WDR76: variants seen among roughly 807,000 people sequenced by gnomAD.
The protein encoded by WDR76 is WD repeat-containing protein 76.
WDR76 carries 52 observed loss-of-function variants against 70.2 expected under a neutral mutation model. The ratio of observed to expected loss-of-function variants is 0.74; its 90% CI spans 0.59 to 0.93. WDR76 has a LOEUF of 0.93. Ranked by LOEUF, WDR76 falls within the 40% of genes least tolerant of loss-of-function variation. The pLI, the probability that WDR76 is intolerant of heterozygous loss-of-function variation, is 0.00. For synonymous variants in WDR76, 292 were observed against 271.1 expected, an observed-to-expected ratio of 1.08 and a Z score of -0.76; for missense variants, 756 against 760.2, an observed-to-expected ratio of 0.99 and a Z score of 0.07.
chr15:43,863,559 T>TTA (rs1398972902), intron 12 of WDR76, among the ~76,000 whole-genome samples: 23 of 139,064 alleles, frequency 1.7e-4, no homozygotes, highest in African/African-American at 5.3e-4. Flanking sequence ...CTCTCTTTTT[T>TTA]AAAAAAAAAA....
chr15:43,832,670 T>A (rs553327307), intron 2 of WDR76, among the ~76,000 whole-genome samples: 2 of 150,638 alleles, frequency 1.3e-5, no homozygotes, highest in Non-Finnish European at 3.0e-5. Context: ...GGTCTCGAAC[T>A]CCTGATCTCA....
At chr15:43,850,634 C>T (rs1387539110) in intron 8 of WDR76, among the ~76,000 whole-genome samples, 1 of 152,104 alleles carries the variant, frequency 6.6e-6, no homozygotes, top group East Asian at 1.9e-4. Context: ...ATGTTTAAAA[C>T]CATTATCTTT....
intron 10 of WDR76, 66 bp from the exon 11 acceptor site, chr15:43,858,605 T>C: frequency 6.4e-7 from 1 of 1,566,324 alleles, no homozygotes; most frequent in Non-Finnish European, 8.7e-7. Context: ...AACTTATGTT[T>C]AGCCCTGTTG....
intron 11 of WDR76, among the ~76,000 whole-genome samples, chr15:43,860,897 G>T (rs775090078): frequency 2.1e-5 from 3 of 142,676 alleles, no homozygotes; most frequent in Non-Finnish European, 3.0e-5. Context: ...ATTTGTTAGC[G>T]CCTGATCTTA....
intron 5 of WDR76, among the ~76,000 whole-genome samples, chr15:43,841,566 C>G (rs1279874976): frequency 6.6e-6 from 1 of 152,142 alleles, no homozygotes; most frequent in Non-Finnish European, 1.5e-5. Flanking sequence ...TCTGGAACTT[C>G]TGGCCTCAAG....
intron 11 of WDR76, 46 bp downstream of exon 11, chr15:43,858,869 A>C (rs762855768): frequency 2.5e-6 from 4 of 1,588,132 alleles, no homozygotes; most frequent in Non-Finnish European, 1.7e-6. Context: ...TAAAGAGTCT[A>C]TAGCTACTGT....
intron 1 of WDR76, among the ~76,000 whole-genome samples, chr15:43,827,607 T>C (rs1005617067): frequency 1.3e-5 from 2 of 151,930 alleles, no homozygotes; most frequent in Admixed American, 6.6e-5. Flanking sequence ...GGCAGTGGTG[T>C]GATCTCGGCT....
chr15:43,857,820 CAAAA>C (rs972013972), intron 10 of WDR76, among the ~76,000 whole-genome samples: 47 of 57,936 alleles, frequency 8.1e-4, no homozygotes, highest in Non-Finnish European at 1.3e-3. Context: ...CTCTTGTCTC[CAAAA>C]AAAAAAAAAA....
chr15:43,840,194 G>A (rs918750435), intron 5 of WDR76, among the ~76,000 whole-genome samples: 2 of 152,010 alleles, frequency 1.3e-5, no homozygotes, highest in Admixed American at 1.3e-4. Context: ...TTTCGAAGTC[G>A]TAAAGACTGT....
chr15:43,828,305 T>A lies in WDR76; in HGVS notation c.401T>A (p.Leu134His). ...QPKRTADAMN[L>H]SVDVESSQDG... Reference sequence around the variant, plus strand: ...AAGAGAACGGCAGATGCGATGAATCTCAGTGTTGATGTGGAAAGTAGTCAG... The same window carrying A: ...AAGAGAACGGCAGATGCGATGAATCACAGTGTTGATGTGGAAAGTAGTCAG... Residue 134 changes from leucine (L) to histidine (H), a missense_variant, in exon 2 of 13, where the codon CTC becomes CAC. By Grantham distance (99) the Leu-to-His change is moderately conservative (BLOSUM62 -3). Coordinates refer to ENST00000263795, the MANE Select transcript of WDR76 (RefSeq NM_024908.4). 1 of 1,614,130 alleles carries A rather than the reference T, an allele frequency of 6.2e-7. No homozygotes were observed. The highest frequency in any genetic ancestry group is 8.5e-7 in the Non-Finnish European group (1 of 1,180,046).
intron 5 of WDR76, among the ~76,000 whole-genome samples, chr15:43,841,452 C>T (rs1227813482): frequency 3.3e-5 from 5 of 152,058 alleles, no homozygotes; most frequent in African/African-American, 1.2e-4. Context: ...CCTCGGCCTC[C>T]CAAAATGCTA....
intron 8 of WDR76, 96 bp downstream of exon 8, chr15:43,844,150 G>A (rs1308929695): frequency 4.2e-6 from 5 of 1,178,578 alleles, no homozygotes; most frequent in Non-Finnish European, 5.6e-6. Flanking sequence ...AATGTTGCGT[G>A]AGACTTACAA....
chr15:43,833,379 C>T (rs2087615190), intron 2 of WDR76, among the ~76,000 whole-genome samples: 1 of 146,162 alleles, frequency 6.8e-6, no homozygotes, highest in Non-Finnish European at 1.5e-5. Context: ...AGTGCAGTGG[C>T]GCCATCTCGG....
chr15:43,845,708 A>G (rs1311495937), intron 8 of WDR76, among the ~76,000 whole-genome samples: 2 of 150,640 alleles, frequency 1.3e-5, no homozygotes, highest in Non-Finnish European at 3.0e-5. Context: ...AGTCAGAAAT[A>G]GATACTGAAT....
chr15:43,839,294 T>G (rs1200911545), intron 4 of WDR76, among the ~76,000 whole-genome samples: 1 of 152,186 alleles, frequency 6.6e-6, no homozygotes, highest in Non-Finnish European at 1.5e-5. Flanking sequence ...TGTACTGGAC[T>G]TTGTTTTTGC....
At chr15:43,866,077 T>G (rs765646251) in intron 12 of WDR76, 51 bp from the exon 13 acceptor site, 1 of 1,597,776 alleles carries the variant, frequency 6.3e-7, no homozygotes, top group Non-Finnish European at 8.6e-7. Flanking sequence ...TGCCCAATGC[T>G]ACCTTATTTA....
At chr15:43,850,858 G>A (rs920203645) in intron 8 of WDR76, among the ~76,000 whole-genome samples, 1 of 152,114 alleles carries the variant, frequency 6.6e-6, no homozygotes, top group Non-Finnish European at 1.5e-5. Context: ...CAGAAAGCTG[G>A]TCACTGTTAA....
intron 5 of WDR76, 70 bp from the exon 6 acceptor site, chr15:43,842,345 C>T: frequency 5.8e-6 from 8 of 1,373,324 alleles, no homozygotes; most frequent in South Asian, 1.3e-5. Context: ...CAGACAAATA[C>T]CCTTGCCCTC....
At chr15:43,844,954 G>T (rs1322654350) in intron 8 of WDR76, among the ~76,000 whole-genome samples, 1 of 65,118 alleles carries the variant, frequency 1.5e-5, no homozygotes, top group African/African-American at 5.4e-5. Context: ...AAAAAAAAAA[G>T]ATCAAAGTTT....
Sources: allele counts gnomAD v4.1 joint callset (sites outside exome capture counted in the v4.1 genomes callset), GRCh38; gene constraint gnomAD v4.1.1; transcripts MANE v1.5; gene names NCBI Gene and HGNC (gene_info 2026-07-23, HGNC 2026-07-21).